MAST4: variants seen among roughly 807,000 people sequenced by gnomAD.
MAST4 encodes microtubule associated serine/threonine kinase family member 4, also known as microtubule-associated serine/threonine-protein kinase 4.
A neutral mutation model predicts 162.7 loss-of-function variants in MAST4; 89 were observed. That is an observed-to-expected ratio of 0.55 (90% CI 0.46 to 0.65). MAST4 has a LOEUF of 0.65. MAST4 is among the 30% of genes least tolerant of loss of function. The probability of loss-of-function intolerance (pLI) is 0.00; values close to 1 mark genes in which losing one functional copy is unlikely to be tolerated. For missense variants in MAST4, 3,153 were observed against 3,374.0 expected, an observed-to-expected ratio of 0.93 and a Z score of 1.62; for synonymous variants, 1,479 against 1,361.1, an observed-to-expected ratio of 1.09 and a Z score of -1.91.
At chr5:67,116,734 C>A (rs961579338) in intron 12 of MAST4, among the ~76,000 whole-genome samples, 2 of 151,746 alleles carry the variant, frequency 1.3e-5, no homozygotes, top group Admixed American at 1.3e-4. Flanking sequence ...GAGAATCGCT[C>A]GAACCCAGGA....
rs1774273270 is a variant in MAST4, at chr5:67,168,339, A to C, written c.*1288A>C. ...ATCTCTTTATTTGTATGCAAAAAAT[A>C]CTGTCTTAATACAGAGCAGCATTTT... On this transcript the variant is annotated 3_prime_UTR_variant, in exon 29 of 29. Transcript: ENST00000403625. 6.6e-6 allele frequency: 1 copy of C among 152,112 alleles called. No individual in the cohort carries two copies. Among genetic ancestry groups the C allele is most frequent in the Non-Finnish European group, 1.5e-5 (1 of 68,022 alleles). 9.4% of individuals were successfully genotyped at this position (152,112 alleles called of 1,614,324 possible).
At chr5:66,991,985 T>C (rs899037402) in intron 4 of MAST4, among the ~76,000 whole-genome samples, 6 of 152,208 alleles carry the variant, frequency 3.9e-5, no homozygotes, top group African/African-American at 1.4e-4. Flanking sequence ...GATACAGTCA[T>C]GGAGCAAGTT....
At chr5:66,634,361 G>T (rs1196846643) in intron 1 of MAST4, among the ~76,000 whole-genome samples, 2 of 128,196 alleles carry the variant, frequency 1.6e-5, no homozygotes, top group Non-Finnish European at 3.3e-5. Context: ...ACCCAGCCAT[G>T]GTTTGTTTTT....
intron 3 of MAST4, among the ~76,000 whole-genome samples, chr5:66,832,102 C>T (rs974775381): frequency 6.6e-6 from 1 of 152,068 alleles, no homozygotes; most frequent in Admixed American, 6.6e-5. Context: ...GCATGACTTA[C>T]TAAAAGAGAG....
chr5:67,048,700 A>G (rs1237903363), intron 4 of MAST4, among the ~76,000 whole-genome samples: 2 of 151,904 alleles, frequency 1.3e-5, no homozygotes, highest in African/African-American at 4.8e-5. Context: ...TTACATTATT[A>G]TGGATGGGAA....
intron 1 of MAST4, among the ~76,000 whole-genome samples, chr5:66,675,178 C>A (rs1360829852): frequency 6.6e-6 from 1 of 152,194 alleles, no homozygotes; most frequent in Non-Finnish European, 1.5e-5. Context: ...TGTCTGTGCT[C>A]TAGCTGCCTG....
intron 3 of MAST4, among the ~76,000 whole-genome samples, chr5:66,790,680 G>A (rs1004964645): frequency 6.6e-6 from 1 of 152,096 alleles, no homozygotes. Flanking sequence ...GAGTAGCTGG[G>A]ACTACAGGCA....
At chr5:66,951,636 G>GTGTGTCTGTATGTA (rs1554072468) in intron 4 of MAST4, among the ~76,000 whole-genome samples, 1 of 145,280 alleles carries the variant, frequency 6.9e-6, no homozygotes, top group Non-Finnish European at 1.5e-5. Flanking sequence ...GTGTGTGTGT[G>GTGTGTCTGTATGTA]TGTGTGTGTG....
chr5:66,676,248 G>C (rs969733731), intron 1 of MAST4, among the ~76,000 whole-genome samples: 1 of 152,196 alleles, frequency 6.6e-6, no homozygotes, highest in Non-Finnish European at 1.5e-5. Flanking sequence ...TGGAGGGGAA[G>C]AGCTAGACCA....
At chr5:66,782,957 A>G (rs1005979923) in intron 2 of MAST4, among the ~76,000 whole-genome samples, 1 of 152,194 alleles carries the variant, frequency 6.6e-6, no homozygotes, top group African/African-American at 2.4e-5. Context: ...ATCACTATCA[A>G]CTGTGTATCA....
chr5:66,942,123 GT>G (rs1157104005), intron 4 of MAST4, among the ~76,000 whole-genome samples: 1 of 152,118 alleles, frequency 6.6e-6, no homozygotes, highest in Non-Finnish European at 1.5e-5. Context: ...AGTACATGCT[GT>G]TGGAAAGATG....
intron 3 of MAST4, among the ~76,000 whole-genome samples, chr5:66,799,340 C>T (rs1423619122): frequency 6.6e-6 from 1 of 152,156 alleles, no homozygotes; most frequent in Non-Finnish European, 1.5e-5. Context: ...TGGAATAGTG[C>T]ATATCGGAAC....
At chr5:66,617,077 A>T (rs1743743435) in intron 1 of MAST4, among the ~76,000 whole-genome samples, 1 of 152,194 alleles carries the variant, frequency 6.6e-6, no homozygotes, top group African/African-American at 2.4e-5. Context: ...AATTGACTGG[A>T]TTTTTTTCTA....
At position 67,164,518 on chromosome 5, in the gene MAST4, C is replaced by G; in HGVS notation, c.5339C>G (p.Pro1780Arg). ...EKPGLVAPES[P>R]VRKSPSEYKL... is the part of the protein sequence containing the mutation. ...CCTGGCTTGGTTGCTCCTGAGTCCC[C>G]TGTTAGGAAGAGCCCCTCCGAGTAT... The change falls in exon 29 of 29, where the codon CCT (proline) becomes CGT (arginine). Residue 1780 changes from proline to arginine, a missense_variant. By Grantham distance (103) the Pro-to-Arg change is moderately radical (BLOSUM62 -2). Around this residue, in one of 7 missense-constraint regions of MAST4, gnomAD observed 1,644 missense variants for 1,495.0 expected, o/e 1.10. Transcript: ENST00000403625. This position sits in a 1 kb window ranked among gnomAD's most constrained non-coding sequence, Gnocchi z 5.3. 6.2e-7 allele frequency: 1 copy of G among 1,614,044 alleles called. No individual in the cohort carries two copies. The highest frequency in any genetic ancestry group is 8.5e-7 in the Non-Finnish European group (1 of 1,179,890).
chr5:66,702,946 T>A (rs1255355129), intron 1 of MAST4, among the ~76,000 whole-genome samples: 1 of 152,130 alleles, frequency 6.6e-6, no homozygotes. Flanking sequence ...GATGCCCTTG[T>A]AGGAGTTCAG....
chr5:66,626,846 G>T (rs911101902), intron 1 of MAST4, among the ~76,000 whole-genome samples: 5 of 152,164 alleles, frequency 3.3e-5, no homozygotes, highest in African/African-American at 1.2e-4. Flanking sequence ...GTCAGGAAGG[G>T]ACACCTAAGC....
chr5:67,098,004 C>T (rs995207491), intron 7 of MAST4, among the ~76,000 whole-genome samples: 2 of 152,094 alleles, frequency 1.3e-5, no homozygotes, highest in Non-Finnish European at 2.9e-5. Flanking sequence ...TAAAGCTAAG[C>T]TGAATCACTC....
At chr5:66,813,422 A>C (rs1029400769) in intron 3 of MAST4, among the ~76,000 whole-genome samples, 1 of 152,234 alleles carries the variant, frequency 6.6e-6, no homozygotes, top group African/African-American at 2.4e-5. Context: ...AATGAAAGGA[A>C]ACAGTTTATT....
intron 1 of MAST4, among the ~76,000 whole-genome samples, chr5:66,702,688 G>A (rs1158025309): frequency 6.6e-6 from 1 of 152,098 alleles, no homozygotes; most frequent in African/African-American, 2.4e-5. Context: ...AGTGTGGCTG[G>A]AGCAGAACAG....
Sources: gnomAD v4.1 joint callset for allele counts (sites outside exome capture counted in the v4.1 genomes callset) on GRCh38, gnomAD v4.1.1 for gene constraint, gnomAD v4.1.1 regional missense constraint, Gnocchi (gnomAD v3.1) non-coding constraint, MANE v1.5 for transcripts, NCBI Gene and HGNC (gene_info 2026-07-23, HGNC 2026-07-21) for gene names.